Variants in AFF4 observed in about 807,000 individuals in gnomAD.
AFF4 encodes the protein AF4/FMR2 family member 4.
Under a neutral mutation model 124.8 loss-of-function variants are expected in AFF4, and 13 were observed. That is an observed-to-expected ratio of 0.10 (90% CI 0.07 to 0.17). The LOEUF is 0.17. Ranked by LOEUF, AFF4 falls within the 10% of genes least tolerant of loss-of-function variation. AFF4 has a pLI of 1.00. For missense variants in AFF4, 1,092 were observed against 1,403.8 expected, an observed-to-expected ratio of 0.78 and a Z score of 3.55; for synonymous variants, 477 against 496.1, an observed-to-expected ratio of 0.96 and a Z score of 0.51.
At chr5:132,901,293 TATG>T (rs1302644052) in intron 7 of AFF4, among the ~76,000 whole-genome samples, 1 of 152,220 alleles carries the variant, frequency 6.6e-6, no homozygotes, top group African/African-American at 2.4e-5. Context: ...TAGGTATATA[TATG>T]GTAAGACCAC....
chr5:132,890,548 T>C (rs1441248787), intron 13 of AFF4, among the ~76,000 whole-genome samples: 1 of 152,238 alleles, frequency 6.6e-6, no homozygotes, highest in Non-Finnish European at 1.5e-5. Context: ...ATAAAAACTA[T>C]GTGCAATGTT....
intron 13 of AFF4, among the ~76,000 whole-genome samples, chr5:132,890,247 A>G (rs1160367847): frequency 1.3e-5 from 2 of 151,934 alleles, no homozygotes; most frequent in Non-Finnish European, 2.9e-5. Flanking sequence ...CTGTAACATT[A>G]CTAGGATAGC....
intron 7 of AFF4, among the ~76,000 whole-genome samples, chr5:132,900,332 G>A (rs1485934834): frequency 6.6e-6 from 1 of 152,200 alleles, no homozygotes; most frequent in South Asian, 2.1e-4. Context: ...TGAGGTTGGC[G>A]GATCACCTGA....
chr5:132,952,989 CCA>C (rs1761879627), intron 1 of AFF4, among the ~76,000 whole-genome samples: 1 of 152,024 alleles, frequency 6.6e-6, no homozygotes, highest in Non-Finnish European at 1.5e-5. Context: ...AAATACAAAA[CCA>C]CACATCCAGG....
chr5:132,925,813 C>A (rs79394513), intron 5 of AFF4, among the ~76,000 whole-genome samples: 3,460 of 152,234 alleles, frequency 0.023, 138 homozygotes, highest in African/African-American at 0.08. Flanking sequence ...TGGTACAAAT[C>A]CTGTAATAGA....
chr5:132,953,873 C>T (rs1454119089), intron 1 of AFF4, among the ~76,000 whole-genome samples: 1 of 152,182 alleles, frequency 6.6e-6, no homozygotes, highest in Admixed American at 6.6e-5. Flanking sequence ...TCTTTATATG[C>T]CATACGGCAG....
chr5:132,876,259 T>C lies in AFF4; in HGVS notation c.*4800A>G, dbSNP rs1404655418. 1.8e-5 allele frequency: 4 copies of C among 217,748 alleles called. No individual in the cohort carries two copies. In the East Asian group the frequency reaches 2.7e-4, roughly 15 times the overall value. The allele number at this position is 217,748 out of a possible 1,614,324, so 13.5% of individuals were successfully genotyped here. A position where few individuals can be genotyped will look rare whatever the true frequency, so the allele number is the denominator to read the frequency against. On this transcript the variant is annotated 3_prime_UTR_variant, in exon 21 of 21. Transcript: ENST00000265343. ...TCATGTTAATGATTTGCCAGGTGTG[T>C]GCATAAAGTTGTAAAATGGGGACAC...
chr5:132,897,601 T>C (rs1018000288), intron 10 of AFF4, among the ~76,000 whole-genome samples: 1 of 151,780 alleles, frequency 6.6e-6, no homozygotes, highest in African/African-American at 2.4e-5. Context: ...TCCCAGCTAC[T>C]CAGGAGGCTG....
intron 20 of AFF4, among the ~76,000 whole-genome samples, chr5:132,882,747 C>CAGG (rs1326562217): frequency 2.0e-5 from 3 of 150,274 alleles, no homozygotes; most frequent in Non-Finnish European, 4.4e-5. Context: ...CCCAGCTACT[C>CAGG]AGGAGGCTGA....
chr5:132,959,040 A>G (rs1762021954), intron 1 of AFF4, among the ~76,000 whole-genome samples: 2 of 152,178 alleles, frequency 1.3e-5, no homozygotes, highest in South Asian at 2.1e-4. Context: ...TTCCTTGCCT[A>G]AAAGCCACCA....
In AFF4 at chr5:132,921,622, C is replaced by T. The variant is rs144078433; in HGVS notation, c.1050+5499G>A. ...ACCTGGGATTATAGGCATGCGCCAC[C>T]ATGCCTGGCTAATTTTGTATTTTTT... On this transcript the variant is annotated intron_variant, in intron 5 of 20. Coordinates refer to ENST00000265343, the MANE Select transcript of AFF4 (RefSeq NM_014423.4). Among the ~76,000 whole-genome samples, 965 of 152,218 alleles carry T rather than the reference C, an allele frequency of 6.3e-3. 11 individuals are homozygous for T. Among genetic ancestry groups the T allele is most frequent in the African/African-American group, 0.021 (886 of 41,538 alleles).
chr5:132,931,871 G>A (rs1296583018), intron 4 of AFF4, among the ~76,000 whole-genome samples: 2 of 152,202 alleles, frequency 1.3e-5, no homozygotes, highest in Non-Finnish European at 2.9e-5. Context: ...TTGAACCTGG[G>A]AGGTGGAGGT....
At chr5:132,891,629 CA>C (rs1435752705) in intron 13 of AFF4, among the ~76,000 whole-genome samples, 4 of 152,110 alleles carry the variant, frequency 2.6e-5, no homozygotes, top group Admixed American at 1.3e-4. Context: ...GAATCAAAGT[CA>C]AATGATTGCT....
chr5:132,926,282 G>A, intron 5 of AFF4: 2 of 431,842 alleles, frequency 4.6e-6, no homozygotes, highest in South Asian at 1.9e-5. Context: ...TAGGGGGACT[G>A]GTAAAACTTT....
chr5:132,898,509 A>C, intron 9 of AFF4, 117 bp from the exon 10 acceptor site: 1 of 1,093,444 alleles, frequency 9.1e-7, no homozygotes, highest in Non-Finnish European at 1.3e-6. Flanking sequence ...TTTTAGACGG[A>C]GTCTTGCTCT....
At chr5:132,892,450 G>C in intron 12 of AFF4, 46 bp from the exon 13 acceptor site, 1 of 1,549,256 alleles carries the variant, frequency 6.5e-7, no homozygotes, top group Non-Finnish European at 8.7e-7. Flanking sequence ...CAGTAATACA[G>C]GGGTAATTGA....
At chr5:132,941,834 C>A (rs1020940507) in intron 1 of AFF4, among the ~76,000 whole-genome samples, 2 of 151,846 alleles carry the variant, frequency 1.3e-5, no homozygotes, top group African/African-American at 4.8e-5. Flanking sequence ...ACGGGGAATC[C>A]CCTCCTCTAC....
intron 5 of AFF4, among the ~76,000 whole-genome samples, chr5:132,905,032 G>A (rs1189766476): frequency 6.8e-6 from 1 of 145,986 alleles, no homozygotes; most frequent in Non-Finnish European, 1.5e-5. Context: ...CCTGGCAACA[G>A]GGCGAGACTC....
intron 7 of AFF4, chr5:132,901,180 AC>A (rs760008626): frequency 4.8e-5 from 47 of 983,820 alleles, no homozygotes; most frequent in Non-Finnish European, 5.4e-5. Flanking sequence ...TTATGATTTA[AC>A]AATGGCAGCT....
Sources: allele counts gnomAD v4.1 joint callset (sites outside exome capture counted in the v4.1 genomes callset), GRCh38; gene constraint gnomAD v4.1.1; transcripts MANE v1.5; gene names NCBI Gene and HGNC (gene_info 2026-07-23, HGNC 2026-07-21).